The following DTNB variants were observed in gnomAD, a reference collection of about 807,000 sequenced individuals.
The protein encoded by DTNB is DTN-B.
A neutral mutation model predicts 90.7 loss-of-function variants in DTNB; 63 were observed. The observed-to-expected ratio is 0.69, with a 90% CI of 0.57 to 0.86. The LOEUF (loss-of-function observed/expected upper bound fraction) is 0.86, where lower values mean the gene tolerates loss of function less well. Ranked by LOEUF, DTNB falls within the 40% of genes least tolerant of loss-of-function variation. The probability of loss-of-function intolerance (pLI) is 0.00; values close to 1 mark genes in which losing one functional copy is unlikely to be tolerated. For missense variants in DTNB, 744 were observed against 807.1 expected (o/e 0.92, Z 0.95); for synonymous variants, 277 against 286.7 (o/e 0.97, Z 0.34).
intron 10 of DTNB, among the ~76,000 whole-genome samples, chr2:25,471,881 C>T (rs566922321): frequency 3.5e-4 from 52 of 148,124 alleles, no homozygotes; most frequent in African/African-American, 1.1e-3. Flanking sequence ...TTCTAGTAAT[C>T]GGTTAACCTT....
intron 10 of DTNB, among the ~76,000 whole-genome samples, chr2:25,474,955 A>G (rs1211441811): frequency 6.6e-6 from 1 of 152,162 alleles, no homozygotes; most frequent in Non-Finnish European, 1.5e-5. Context: ...TAATCAATCA[A>G]TATGTGTTCT....
intron 9 of DTNB, among the ~76,000 whole-genome samples, chr2:25,498,617 G>A (rs1394218324): frequency 1.3e-5 from 2 of 151,824 alleles, no homozygotes; most frequent in Non-Finnish European, 2.9e-5. Flanking sequence ...AGGCTGAGGC[G>A]GGTGGACTGC....
intron 18 of DTNB, among the ~76,000 whole-genome samples, chr2:25,385,483 C>T (rs965031619): frequency 6.6e-6 from 1 of 152,198 alleles, no homozygotes; most frequent in Admixed American, 6.5e-5. Context: ...CGTCTACCTA[C>T]AGGCTTCAGT....
At chr2:25,522,420 T>C (rs1180289290) in intron 9 of DTNB, among the ~76,000 whole-genome samples, 1 of 152,054 alleles carries the variant, frequency 6.6e-6, no homozygotes, top group Non-Finnish European at 1.5e-5. Flanking sequence ...TGTATATAAA[T>C]TGTGTTGGGT....
At chr2:25,550,234 A>G (rs1277872054) in intron 8 of DTNB, among the ~76,000 whole-genome samples, 2 of 152,088 alleles carry the variant, frequency 1.3e-5, no homozygotes, top group Admixed American at 1.3e-4. Flanking sequence ...TACTAAAAAT[A>G]CAAAAAATAA....
chr2:25,428,435 CTTTT>C (rs1231871744), intron 14 of DTNB, among the ~76,000 whole-genome samples: 5 of 141,156 alleles, frequency 3.5e-5, no homozygotes, highest in Non-Finnish European at 7.8e-5. Context: ...ATCCTGCTTT[CTTTT>C]TTTTTTTTTT....
At chr2:25,663,423 A>G (rs1471548296) in intron 1 of DTNB, among the ~76,000 whole-genome samples, 1 of 152,220 alleles carries the variant, frequency 6.6e-6, no homozygotes, top group Non-Finnish European at 1.5e-5. Flanking sequence ...TTGGGTATAT[A>G]CCCAGTAATG....
intron 10 of DTNB, among the ~76,000 whole-genome samples, chr2:25,461,857 A>C (rs940545570): frequency 2.0e-5 from 3 of 152,356 alleles, no homozygotes; most frequent in Non-Finnish European, 2.9e-5. Flanking sequence ...AATTTTATCC[A>C]ATCAGGGAGA....
At chr2:25,384,089 ACCACAGC>A (rs956757804) in intron 18 of DTNB, among the ~76,000 whole-genome samples, 200 bp from the exon 19 acceptor site, 3 of 152,350 alleles carry the variant, frequency 2.0e-5, no homozygotes, top group African/African-American at 7.2e-5. Context: ...AGCCCGTAAG[ACCACAGC>A]CCAAAGGGAG....
At chr2:25,582,935 A>C (rs2061767087) in intron 6 of DTNB, among the ~76,000 whole-genome samples, 1 of 152,118 alleles carries the variant, frequency 6.6e-6, no homozygotes, top group Non-Finnish European at 1.5e-5. Context: ...ATAACCAACA[A>C]ACCAAGATAA....
chr2:25,385,700 T>C (rs2039278655), intron 18 of DTNB, among the ~76,000 whole-genome samples: 1 of 152,192 alleles, frequency 6.6e-6, no homozygotes, highest in Admixed American at 6.5e-5. Flanking sequence ...GACAATGTGC[T>C]CTCTAAGGCA....
rs1324996873 is a variant in DTNB at position 25,597,889 on chromosome 2, G to A, written c.449-1649C>T. On this transcript the variant is annotated intron_variant, in intron 5 of 20. Coordinates refer to ENST00000406818, the MANE Select transcript of DTNB (RefSeq NM_021907.5). ...ATACACATGAAACAGAGAAGAATTT[G>A]AGCTGACAACAGAAAAAACAGAGGC... Among the ~76,000 whole-genome samples the A allele has an allele frequency of 3.3e-5, 5 of 152,092 alleles. No homozygotes were observed. The East Asian group carries it at 9.6e-4, about 29-fold the overall frequency.
Position 25,419,232 on chromosome 2 carries a change from C to G in DTNB, c.1575+283G>C, listed in dbSNP as rs569378295. ...CACACAACAACAGAGAATGAAAGAG[C>G]AGGAAAATGCAATGGTAGCCTGGCT... On this transcript the variant is annotated intron_variant, in intron 16 of 20. Transcript: ENST00000406818. The G allele has an allele frequency of 3.1e-4, 165 of 538,724 alleles. 1 individual carries two copies. The highest frequency in any genetic ancestry group is 2.9e-3 in the African/African-American group (155 of 52,900). The allele number at this position is 538,724 out of a possible 1,614,324, so 33.4% of individuals were successfully genotyped here.
At chr2:25,567,296 A>G (rs1444414563) in intron 8 of DTNB, among the ~76,000 whole-genome samples, 1 of 152,220 alleles carries the variant, frequency 6.6e-6, no homozygotes. Context: ...TCATAATTCA[A>G]GAGATGTGAG....
chr2:25,562,895 G>C (rs1037357781), intron 8 of DTNB, among the ~76,000 whole-genome samples: 3 of 152,018 alleles, frequency 2.0e-5, no homozygotes, highest in African/African-American at 7.3e-5. Flanking sequence ...GCGGCCTCCA[G>C]AGTAGCTGGG....
At chr2:25,406,634 C>A (rs926329187) in intron 16 of DTNB, among the ~76,000 whole-genome samples, 10 of 151,852 alleles carry the variant, frequency 6.6e-5, no homozygotes, top group Admixed American at 1.3e-4. Flanking sequence ...TTCTATAACA[C>A]ATACAACAAC....
At position 25,588,186 on chromosome 2, in the gene DTNB, T is replaced by TA. The variant is rs556875844; in HGVS notation, c.604-7361dup. 9.2e-3 allele frequency among the ~76,000 whole-genome samples: 1,331 copies of TA among 144,250 alleles called. 14 individuals carry two copies. Among genetic ancestry groups the TA allele is most frequent in the African/African-American group, 0.024 (963 of 39,404 alleles). The allele number at this position is 144,250 out of a possible 152,430, so 94.6% of individuals were successfully genotyped here. On this transcript the variant is annotated intron_variant, in intron 6 of 20. Coordinates refer to ENST00000406818, the MANE Select transcript of DTNB (RefSeq NM_021907.5). ...TTAAAAAGGCTCTATAAAGCCTCCT[T>TA]AAAAAAAAAAAGGCTCTAAAAAGCA...
intron 8 of DTNB, among the ~76,000 whole-genome samples, chr2:25,544,578 C>G (rs944288106): frequency 3.3e-5 from 5 of 152,150 alleles, no homozygotes; most frequent in Non-Finnish European, 7.4e-5. Context: ...AAAAATATCC[C>G]CCAGTGGCAG....
intron 9 of DTNB, among the ~76,000 whole-genome samples, chr2:25,490,148 T>C (rs188361906): frequency 6.6e-6 from 1 of 152,022 alleles, no homozygotes; most frequent in African/African-American, 2.4e-5. Flanking sequence ...TGGTGGCATA[T>C]GCCTATGGTC....
Sources: allele counts gnomAD v4.1 joint callset (sites outside exome capture counted in the v4.1 genomes callset), GRCh38; gene constraint gnomAD v4.1.1; transcripts MANE v1.5; gene names NCBI Gene and HGNC (gene_info 2026-07-23, HGNC 2026-07-21).